THSD7A: variants seen among roughly 807,000 people sequenced by gnomAD.
The protein encoded by THSD7A is thrombospondin type-1 domain-containing protein 7A.
Under a neutral mutation model 231.3 loss-of-function variants are expected in THSD7A, and 96 were observed. That is an observed-to-expected ratio of 0.41 (90% CI 0.35 to 0.49). The LOEUF is 0.49. Among genes scored for constraint, THSD7A ranks in the 20% least tolerant of loss-of-function variants. The pLI is 0.05. For synonymous variants in THSD7A, 940 were observed against 743.3 expected (o/e 1.26, Z -4.30); for missense variants, 2,290 against 2,070.2 (o/e 1.11, Z -2.06).
At chr7:11,489,895 C>A (rs1786817175) in intron 6 of THSD7A, among the ~76,000 whole-genome samples, 1 of 151,826 alleles carries the variant, frequency 6.6e-6, no homozygotes, top group Non-Finnish European at 1.5e-5. Context: ...CTTTTTTCCC[C>A]CACATATATA....
At chr7:11,686,993 A>T (rs1217140201) in intron 1 of THSD7A, among the ~76,000 whole-genome samples, 1 of 151,844 alleles carries the variant, frequency 6.6e-6, no homozygotes, top group Non-Finnish European at 1.5e-5. Context: ...AAATAAACAA[A>T]CCCAAATACC....
chr7:11,430,049 G>A (rs1288672939), intron 13 of THSD7A, among the ~76,000 whole-genome samples: 1 of 152,176 alleles, frequency 6.6e-6, no homozygotes, highest in Non-Finnish European at 1.5e-5. Context: ...GAAACGCACG[G>A]TTGTCCTCTA....
At chr7:11,537,066 A>T (rs571553268) in intron 6 of THSD7A, among the ~76,000 whole-genome samples, 2 of 152,112 alleles carry the variant, frequency 1.3e-5, no homozygotes, top group African/African-American at 4.8e-5. Flanking sequence ...AAATTCTTAC[A>T]TTTTCCTGAA....
At chr7:11,394,547 G>A (rs191223723) in intron 23 of THSD7A, among the ~76,000 whole-genome samples, 5 of 152,294 alleles carry the variant, frequency 3.3e-5, no homozygotes, top group Admixed American at 3.3e-4. Context: ...GTAGGTACAA[G>A]GGAGTGTAGG....
At chr7:11,829,103 T>C (rs1461996397) in intron 1 of THSD7A, among the ~76,000 whole-genome samples, 4 of 152,056 alleles carry the variant, frequency 2.6e-5, no homozygotes, top group South Asian at 4.1e-4. Context: ...ATATAAAATA[T>C]GTATTAATTG....
intron 6 of THSD7A, among the ~76,000 whole-genome samples, chr7:11,525,381 T>G (rs10276945): frequency 1.3e-5 from 2 of 151,934 alleles, no homozygotes; most frequent in Admixed American, 6.6e-5. Context: ...AGATCAGTTT[T>G]TTAAATTAAG....
At chr7:11,725,489 C>G (rs1045880804) in intron 1 of THSD7A, among the ~76,000 whole-genome samples, 1 of 151,958 alleles carries the variant, frequency 6.6e-6, no homozygotes, top group African/African-American at 2.4e-5. Flanking sequence ...TCACTGCTTT[C>G]TCACGCTATA....
intron 23 of THSD7A, among the ~76,000 whole-genome samples, chr7:11,387,074 C>T (rs1031400685): frequency 1.3e-5 from 2 of 152,144 alleles, no homozygotes; most frequent in Admixed American, 6.6e-5. Flanking sequence ...GTCTATATAT[C>T]TGTTTTGGTA....
intron 1 of THSD7A, among the ~76,000 whole-genome samples, chr7:11,822,119 G>C (rs890567379): frequency 3.3e-5 from 5 of 152,214 alleles, no homozygotes; most frequent in East Asian, 1.9e-4. Flanking sequence ...TAGTGATCAA[G>C]TTAGGACTTC....
chr7:11,576,294 T>C (rs890065198), intron 4 of THSD7A, among the ~76,000 whole-genome samples: 1 of 152,198 alleles, frequency 6.6e-6, no homozygotes. Flanking sequence ...AATCACATCA[T>C]TGAATGCAAG....
At chr7:11,468,005 A>G (rs895181538) in intron 9 of THSD7A, among the ~76,000 whole-genome samples, 2 of 152,036 alleles carry the variant, frequency 1.3e-5, no homozygotes, top group Non-Finnish European at 2.9e-5. Context: ...TACTTCCTTG[A>G]AATACTTTAG....
chr7:11,407,961 A>G (rs1562586141), intron 19 of THSD7A, among the ~76,000 whole-genome samples: 1 of 152,182 alleles, frequency 6.6e-6, no homozygotes, highest in Non-Finnish European at 1.5e-5. Context: ...TGGGTCACCA[A>G]AGTTTTTTTT....
intron 2 of THSD7A, among the ~76,000 whole-genome samples, chr7:11,631,693 T>C (rs1317132828): frequency 5.3e-5 from 8 of 152,172 alleles, no homozygotes; most frequent in Admixed American, 3.9e-4. Context: ...AAAAAATCCT[T>C]ATCGTGTCTG....
chr7:11,464,089 A>T (rs544410030), intron 9 of THSD7A, among the ~76,000 whole-genome samples: 4 of 151,082 alleles, frequency 2.6e-5, no homozygotes, highest in Non-Finnish European at 5.9e-5. Context: ...CTTCCTATTC[A>T]CTACCTGGAT....
At chr7:11,491,048 C>T (rs1232037564) in intron 6 of THSD7A, among the ~76,000 whole-genome samples, 6 of 152,030 alleles carry the variant, frequency 3.9e-5, no homozygotes, top group Non-Finnish European at 8.8e-5. Context: ...TTCCAATTCA[C>T]TTGATTTGAT....
intron 6 of THSD7A, among the ~76,000 whole-genome samples, chr7:11,510,581 C>T (rs1331287194): frequency 6.6e-6 from 1 of 152,142 alleles, no homozygotes; most frequent in Non-Finnish European, 1.5e-5. Flanking sequence ...CCACCACAAT[C>T]AAGTTGGCTT....
intron 6 of THSD7A, among the ~76,000 whole-genome samples, chr7:11,536,570 T>C (rs1788924001): frequency 6.6e-6 from 1 of 152,188 alleles, no homozygotes; most frequent in Non-Finnish European, 1.5e-5. Context: ...TAAGTCATGG[T>C]TATAGGTACA....
At chr7:11,517,924 G>C (rs1273111696) in intron 6 of THSD7A, among the ~76,000 whole-genome samples, 1 of 152,212 alleles carries the variant, frequency 6.6e-6, no homozygotes, top group Non-Finnish European at 1.5e-5. Flanking sequence ...ACTGGGCAAG[G>C]AGTTGTGAGT....
At chr7:11,668,723 A>G (rs944120936) in intron 1 of THSD7A, among the ~76,000 whole-genome samples, 9 of 152,216 alleles carry the variant, frequency 5.9e-5, no homozygotes, top group African/African-American at 9.6e-5. Flanking sequence ...GTCCTAAAAC[A>G]GAAGTATGAA....
Sources: gnomAD v4.1 joint callset for allele counts (sites outside exome capture counted in the v4.1 genomes callset) on GRCh38, gnomAD v4.1.1 for gene constraint, MANE v1.5 for transcripts, NCBI Gene and HGNC (gene_info 2026-07-23, HGNC 2026-07-21) for gene names.